The following KBTBD8 variants were observed in gnomAD, a reference collection of about 807,000 sequenced individuals.
KBTBD8 encodes the protein kelch repeat and BTB domain-containing protein 8.
A neutral mutation model predicts 53.5 loss-of-function variants in KBTBD8; 31 were observed. The ratio of observed to expected loss-of-function variants is 0.58; its 90% confidence interval spans 0.44 to 0.78. The LOEUF is 0.78. KBTBD8 is among the 30% of genes least tolerant of loss of function. The pLI, the probability that KBTBD8 is intolerant of heterozygous loss-of-function variation, is 0.00. For missense variants in KBTBD8, 642 were observed against 735.8 expected (o/e 0.87, Z 1.48); for synonymous variants, 250 against 247.3 (o/e 1.01, Z -0.10).
In KBTBD8 at chr3:67,010,246, A is replaced by G. The variant is rs1702104504; in HGVS notation, c.*1861A>G. The G allele has an allele frequency of 6.6e-6, 1 of 152,456 alleles. No homozygotes were observed. Among genetic ancestry groups the G allele is most frequent in the Non-Finnish European group, 1.5e-5 (1 of 67,986 alleles). The allele number at this position is 152,456 out of a possible 1,614,324, so 9.4% of individuals were successfully genotyped here. A position where few individuals can be genotyped will look rare whatever the true frequency, so the allele number is the denominator to read the frequency against. On this transcript the variant is annotated 3_prime_UTR_variant, in exon 4 of 4. Transcript: ENST00000417314. ...TAGAAATCATTCTTTACAGTTTTGC[A>G]TTGCTGAGGAGAGAGAAAAAACAAT... is the stretch of plus-strand genomic sequence containing the variant.
intron 3 of KBTBD8, 51 bp from the exon 4 acceptor site, chr3:67,007,871 A>C: frequency 8.6e-7 from 1 of 1,158,314 alleles, no homozygotes; most frequent in South Asian, 1.6e-5. Flanking sequence ...ATATAACCAA[A>C]AACCAAACAT....
rs904662112 is a variant in KBTBD8, at chr3:67,009,764, T to G, written c.*1379T>G. ...TACCTAAGGCAGGCATTTGGATCAG[T>G]AACATGTTTTACTAAGCCTAGAGTA... On this transcript the variant is annotated 3_prime_UTR_variant, in exon 4 of 4. Transcript: ENST00000417314. The G allele has an allele frequency of 3.3e-5, 5 of 152,604 alleles. No individual in the cohort carries two copies. Among genetic ancestry groups the G allele is most frequent in the African/African-American group, 1.2e-4 (5 of 41,464 alleles). The allele number at this position is 152,604 out of a possible 1,614,324, so 9.5% of individuals were successfully genotyped here. A position where few individuals can be genotyped will look rare whatever the true frequency, so the allele number is the denominator to read the frequency against.
intron 2 of KBTBD8, among the ~76,000 whole-genome samples, chr3:67,002,121 A>G (rs931126346): frequency 6.6e-6 from 1 of 152,352 alleles, no homozygotes; most frequent in South Asian, 2.1e-4. Context: ...TCAAAGAATC[A>G]GTTAACTATT....
intron 1 of KBTBD8, 38 bp downstream of exon 1, chr3:66,998,409 T>G (rs1196918731): frequency 7.6e-5 from 91 of 1,193,770 alleles, no homozygotes; most frequent in African/African-American, 5.9e-4. Flanking sequence ...TGGAGGGAGG[T>G]GAGGGGGAAG....
chr3:67,001,481 T>C (rs1257257784), intron 2 of KBTBD8, among the ~76,000 whole-genome samples: 1 of 152,204 alleles, frequency 6.6e-6, no homozygotes, highest in Non-Finnish European at 1.5e-5. Context: ...GGAAAACTCA[T>C]GAAGTGTGAG....
intron 2 of KBTBD8, among the ~76,000 whole-genome samples, chr3:67,002,484 G>GTA (rs1189866022): frequency 7.3e-6 from 1 of 137,386 alleles, no homozygotes; most frequent in Non-Finnish European, 1.6e-5. Flanking sequence ...GTATGCTAAT[G>GTA]TATCATGTTG....
At position 67,003,923 on chromosome 3, in the gene KBTBD8, A is replaced by C. The variant is rs750195069; in HGVS notation, c.956A>C (p.Lys319Thr). ...IVTGRVFKLCKPPNDLREVGI... is the reference protein window; with the variant it reads ...IVTGRVFKLCTPPNDLREVGI... ...ACAGGAAGGGTGTTTAAACTATGCA[A>C]ACCACCAAATGACCTGAGAGAAGTT... Residue 319 changes from lysine (K) to threonine (T), a missense_variant, in exon 3 of 4, where the codon AAA becomes ACA. Lys to Thr is a moderately conservative substitution (Grantham distance 78, BLOSUM62 -1). Coordinates refer to ENST00000417314, the MANE Select transcript of KBTBD8 (RefSeq NM_032505.3). 3 of 1,614,152 alleles carry C rather than the reference A, an allele frequency of 1.9e-6. No individual in the cohort carries two copies.
In KBTBD8 at chr3:67,008,444, T is replaced by C; in HGVS notation, c.*59T>C. The C allele has an allele frequency of 8.5e-7, 1 of 1,177,566 alleles. No homozygotes were observed. The highest frequency in any genetic ancestry group is 2.1e-5 in the Admixed American group (1 of 47,006). 72.9% of individuals were successfully genotyped at this position (1,177,566 alleles called of 1,614,324 possible). A position where few individuals can be genotyped will look rare whatever the true frequency, so the allele number is the denominator to read the frequency against. ...TCATTCTTAGGAAACTTGTCTTTGA[T>C]ACAAAAGAGTGCTGACAGTATTTCA... On this transcript the variant is annotated 3_prime_UTR_variant, in exon 4 of 4. Transcript: ENST00000417314.
Position 67,009,425 on chromosome 3 carries a change from A to C in KBTBD8, c.*1040A>C, listed in dbSNP as rs1281728544. 1.3e-5 allele frequency: 2 copies of C among 152,640 alleles called. No homozygotes were observed. The highest frequency in any genetic ancestry group is 4.8e-5 in the African/African-American group (2 of 41,466). The allele number at this position is 152,640 out of a possible 1,614,324, so 9.5% of individuals were successfully genotyped here. ...CTTATTTCTCTTCTGCACAGAGCAT[A>C]ATGTGAAGTTTTATACCTACTTTTA... On this transcript the variant is annotated 3_prime_UTR_variant, in exon 4 of 4. Transcript: ENST00000417314.
At chr3:67,002,701 G>A (rs745558141) in intron 2 of KBTBD8, among the ~76,000 whole-genome samples, 12 of 151,616 alleles carry the variant, frequency 7.9e-5, no homozygotes, top group African/African-American at 1.5e-4. Flanking sequence ...GGGTTTCACC[G>A]TCTTGGCCAG....
At chr3:66,998,845 G>T in intron 1 of KBTBD8, 136 bp from the exon 2 acceptor site, 1 of 688,490 alleles carries the variant, frequency 1.5e-6, no homozygotes, top group South Asian at 1.8e-5. Flanking sequence ...CCACGAGGTC[G>T]TGCGTATATC....
Position 67,003,539 on chromosome 3 carries a change from T to C in KBTBD8, c.572T>C (p.Leu191Ser). The C allele has an allele frequency of 6.2e-7, 1 of 1,614,122 alleles. No individual in the cohort carries two copies. Among genetic ancestry groups the C allele is most frequent in the Non-Finnish European group, 8.5e-7 (1 of 1,180,014 alleles). ...CVTKEQEFLQLTKDQLISILD... is the reference protein window; with the variant it reads ...CVTKEQEFLQSTKDQLISILD... ...ACCAAAGAACAAGAGTTTCTCCAGT[T>C]GACAAAAGACCAACTGATAAGTATA... The change falls in exon 3 of 4, where the codon TTG becomes TCG. Residue 191 changes from leucine (L) to serine (S), a missense_variant. Leu to Ser is a moderately radical substitution (Grantham distance 145, BLOSUM62 -2). Coordinates refer to ENST00000417314, the MANE Select transcript of KBTBD8 (RefSeq NM_032505.3).
rs2106765552 is a variant in KBTBD8 at position 67,010,687 on chromosome 3, G to A, written c.*2302G>A. 6.5e-6 allele frequency: 1 copy of A among 152,682 alleles called. No homozygotes were observed. Among genetic ancestry groups the A allele is most frequent in the South Asian group, 2.1e-4 (1 of 4,824 alleles). The allele number at this position is 152,682 out of a possible 1,614,324, so 9.5% of individuals were successfully genotyped here. ...AAGAGGTCCTAGAAAAGTAAGATTA[G>A]TGACATGTGTGGGTTTATATTTAGA... is the stretch of plus-strand genomic sequence containing the variant. On this transcript the variant is annotated 3_prime_UTR_variant, in exon 4 of 4. Transcript: ENST00000417314.
chr3:66,999,711 C>A (rs1278879965), intron 2 of KBTBD8, among the ~76,000 whole-genome samples: 2 of 152,152 alleles, frequency 1.3e-5, no homozygotes, highest in Non-Finnish European at 2.9e-5. Flanking sequence ...GTATGGGACT[C>A]TTTTATAAAA....
chr3:67,003,591 C>A lies in KBTBD8; in HGVS notation c.624C>A (p.Asp208Glu). Residue 208 changes from aspartate (D) to glutamate (E), a missense_variant, in exon 3 of 4, where the codon GAC (aspartate) becomes GAA (glutamate). Coordinates refer to ENST00000417314, the MANE Select transcript of KBTBD8 (RefSeq NM_032505.3). ...SILDSDDLNV[D>E]REEHVYESII... Reference sequence around the variant, plus strand: ...TAGACAGTGACGATTTAAATGTAGACCGAGAAGAGCATGTTTATGAAAGCA... The same window carrying A: ...TAGACAGTGACGATTTAAATGTAGAACGAGAAGAGCATGTTTATGAAAGCA... The A allele has an allele frequency of 6.2e-7, 1 of 1,613,882 alleles. No individual in the cohort carries two copies. The highest frequency in any genetic ancestry group is 8.5e-7 in the Non-Finnish European group (1 of 1,179,864).
In KBTBD8 at chr3:66,999,133, C is replaced by T; in HGVS notation, c.169C>T (p.His57Tyr). 6.2e-7 allele frequency: 1 copy of T among 1,614,198 alleles called. No individual in the cohort carries two copies. The highest frequency in any genetic ancestry group is 8.5e-7 in the Non-Finnish European group (1 of 1,180,022). The change falls in exon 2 of 4, where the codon CAC becomes TAC. Residue 57 changes from histidine (H) to tyrosine (Y), a missense_variant. Coordinates refer to ENST00000417314, the MANE Select transcript of KBTBD8 (RefSeq NM_032505.3). ...GACAGACATTGTAGTGGAAGTGGAT[C>T]ACGGGAAAACATTTTCCTGTCATAG... Reference protein sequence around the residue: ...QLTDIVVEVDHGKTFSCHRNV... With the variant: ...QLTDIVVEVDYGKTFSCHRNV...
chr3:67,006,930 T>A (rs780304402), intron 3 of KBTBD8, among the ~76,000 whole-genome samples: 6 of 152,240 alleles, frequency 3.9e-5, no homozygotes, highest in Non-Finnish European at 7.3e-5. Context: ...TTTAATTCTT[T>A]CAGACATTTT....
chr3:67,003,472 G>T lies in KBTBD8; in HGVS notation c.505G>T (p.Asp169Tyr). The T allele has an allele frequency of 6.2e-7, 1 of 1,614,138 alleles. No individual in the cohort carries two copies. Among genetic ancestry groups the T allele is most frequent in the African/African-American group, 1.3e-5 (1 of 75,048 alleles). ...ADHYGHQELG[D>Y]RSKEYIRKKF... ...TCATTATGGTCATCAGGAACTCGGA[G>T]ATCGATCAAAAGAATACATTCGTAA... The change falls in exon 3 of 4, where the codon GAT (aspartate) becomes TAT (tyrosine). Residue 169 changes from aspartate (D) to tyrosine (Y), a missense_variant. Transcript: ENST00000417314.
At chr3:67,004,945 CT>C (rs1238413253) in intron 3 of KBTBD8, among the ~76,000 whole-genome samples, 1 of 151,618 alleles carries the variant, frequency 6.6e-6, no homozygotes, top group Admixed American at 6.6e-5. Context: ...TGAGATGTCC[CT>C]TTTTTTTGGT....
Sources: gnomAD v4.1 joint callset for allele counts (sites outside exome capture counted in the v4.1 genomes callset) on GRCh38, gnomAD v4.1.1 for gene constraint, MANE v1.5 for transcripts, NCBI Gene and HGNC (gene_info 2026-07-23, HGNC 2026-07-21) for gene names.